TTI1: variants seen among roughly 807,000 people sequenced by gnomAD.
TTI1 encodes the protein TELO2-interacting protein 1 homolog.
Under a neutral mutation model 85.4 loss-of-function variants are expected in TTI1, and 52 were observed. The observed-to-expected ratio is 0.61, with a 90% CI of 0.49 to 0.77. The LOEUF is 0.77. Ranked by LOEUF, TTI1 falls within the 30% of genes least tolerant of loss-of-function variation. The pLI, the probability that TTI1 is intolerant of heterozygous loss-of-function variation, is 0.00. For synonymous variants in TTI1, 512 were observed against 503.9 expected (o/e 1.02, Z -0.22); for missense variants, 1,173 against 1,296.0 (o/e 0.91, Z 1.46).
At position 38,000,026 on chromosome 20, in the gene TTI1, C is replaced by A. The variant is rs116101638; in HGVS notation, c.2653-698G>T. ...AAACAAAGAGGCCCTTTAGGATCCA[C>A]ATGAGAGGAGCAAAGTGATGTGGCC... is the stretch of plus-strand genomic sequence containing the variant. On this transcript the variant is annotated intron_variant, in intron 4 of 7. Coordinates refer to ENST00000373447, the MANE Select transcript of TTI1 (RefSeq NM_001303457.2). Among the ~76,000 whole-genome samples, 471 of 152,256 alleles carry A rather than the reference C, an allele frequency of 3.1e-3. 1 individual carries two copies. The highest frequency in any genetic ancestry group is 0.011 in the African/African-American group (446 of 41,554).
At position 37,983,404 on chromosome 20, in the gene TTI1, T is replaced by G. The variant is rs978136710; in HGVS notation, c.*52A>C. 6.4e-7 allele frequency: 1 copy of G among 1,574,706 alleles called. No individual in the cohort carries two copies. Among genetic ancestry groups the G allele is most frequent in the African/African-American group, 1.4e-5 (1 of 73,648 alleles). ...TGGCCGGGGTGGGGTCAGCCCAGCT[T>G]CTGGCTGGCAGTAGGGGAGGGATCG... On this transcript the variant is annotated 3_prime_UTR_variant, in exon 8 of 8. Transcript: ENST00000373447.
Position 38,012,792 on chromosome 20 carries a change from T to C in TTI1, c.1025A>G (p.Asp342Gly). Residue 342 changes from aspartate to glycine, a missense_variant, in exon 2 of 8, where the codon GAT (aspartate) becomes GGT (glycine). Asp to Gly is a moderately conservative substitution (Grantham distance 94). Transcript: ENST00000373447. The part of the protein sequence containing the change: ...LLKALVGLVN[D>G]ESPEIQAQCN... ...CTGGGCTTGGATTTCAGGACTCTCA[T>C]CATTTACTAGTCCCACTAAGGCCTT... 1 of 1,614,204 alleles carries C rather than the reference T, an allele frequency of 6.2e-7. No homozygotes were observed. The highest frequency in any genetic ancestry group is 1.1e-5 in the South Asian group (1 of 91,088).
At position 38,012,513 on chromosome 20, in the gene TTI1, A is replaced by G; in HGVS notation, c.1304T>C (p.Val435Ala). 6.2e-7 allele frequency: 1 copy of G among 1,614,202 alleles called. No homozygotes were observed. The highest frequency in any genetic ancestry group is 8.5e-7 in the Non-Finnish European group (1 of 1,180,038). The change falls in exon 2 of 8, where the codon GTT (valine) becomes GCT (alanine). Residue 435 changes from valine to alanine, a missense_variant. Val to Ala is a moderately conservative substitution (Grantham distance 64). Transcript: ENST00000373447. ...GATGTCAGCCACGTCTAGCTCTAGAACTTGGATGAGTGCTTTGGAAAGCCG... is the reference window on the plus strand; with the variant it reads ...GATGTCAGCCACGTCTAGCTCTAGAGCTTGGATGAGTGCTTTGGAAAGCCG... ...LQRLSKALIQ[V>A]LELDVADIKI...
At chr20:37,989,453 G>A (rs997256717) in intron 7 of TTI1, among the ~76,000 whole-genome samples, 21 of 152,342 alleles carry the variant, frequency 1.4e-4, no homozygotes, top group East Asian at 5.8e-4. Context: ...AGGATATGGC[G>A]CTGAGAGGTC....
At chr20:38,010,495 G>T in intron 2 of TTI1, among the ~76,000 whole-genome samples, 1 of 110,574 alleles carries the variant, frequency 9.0e-6, no homozygotes. Flanking sequence ...TTTTGAGACA[G>T]AGTCTCACTC....
intron 7 of TTI1, among the ~76,000 whole-genome samples, chr20:37,990,071 T>C (rs548380735): frequency 2.0e-5 from 3 of 152,222 alleles, no homozygotes; most frequent in African/African-American, 7.2e-5. Flanking sequence ...CTTTGCTGTC[T>C]GTCAGGAAGC....
intron 7 of TTI1, among the ~76,000 whole-genome samples, chr20:37,984,942 G>A (rs2073171111): frequency 6.6e-6 from 1 of 152,164 alleles, no homozygotes; most frequent in Non-Finnish European, 1.5e-5. Flanking sequence ...TAATGAGGAC[G>A]TGGTGAGTTA....
At chr20:37,992,354 T>C (rs996590434) in intron 7 of TTI1, among the ~76,000 whole-genome samples, 1 of 152,122 alleles carries the variant, frequency 6.6e-6, no homozygotes, top group African/African-American at 2.4e-5. Flanking sequence ...CGGCTCACTA[T>C]GGCCTTAACC....
rs1291647390 is a variant in TTI1, at chr20:37,996,736, G to A, written c.2998+13C>T. The A allele has an allele frequency of 2.5e-6, 4 of 1,597,900 alleles. 1 individual carries two copies. The African/African-American group carries it at 5.4e-5, about 21-fold the overall frequency. The stretch of plus-strand genomic sequence containing the variant: ...TAAGTGTGTGTGTTCAGGTGGAACT[G>A]CCTGGTACCCACCTAGGTCCAGTCT... On this transcript the variant is annotated intron_variant, in intron 6 of 7. Transcript: ENST00000373447.
At chr20:38,020,357 T>C (rs1351805944) in intron 1 of TTI1, among the ~76,000 whole-genome samples, 4 of 137,568 alleles carry the variant, frequency 2.9e-5, no homozygotes, top group Admixed American at 7.3e-5. Flanking sequence ...TATATATGTA[T>C]GTATCTTGAT....
In TTI1 at chr20:38,011,979, G is replaced by A; in HGVS notation, c.1838C>T (p.Pro613Leu). The A allele has an allele frequency of 1.2e-6, 2 of 1,614,240 alleles. No individual in the cohort carries two copies. The highest frequency in any genetic ancestry group is 1.3e-5 in the African/African-American group (1 of 75,054). Residue 613 changes from proline to leucine, a missense_variant, in exon 2 of 8, where the codon CCA becomes CTA. Transcript: ENST00000373447. ...GTTCATGGAGCAAATAGTGGGACTT[G>A]GCTTTGAGAAGGCTAGAAAAGATGT... ...QVTSFLAFSKPSPTICSMNSN... is the reference protein window; with the variant it reads ...QVTSFLAFSKLSPTICSMNSN...
intron 7 of TTI1, among the ~76,000 whole-genome samples, chr20:37,989,400 A>G (rs2073232584): frequency 6.6e-6 from 1 of 152,260 alleles, no homozygotes; most frequent in Admixed American, 6.5e-5. Context: ...ATAAAGTATC[A>G]TAAATGCAGA....
At chr20:38,020,312 A>T (rs1463571670) in intron 1 of TTI1, among the ~76,000 whole-genome samples, 3 of 52,518 alleles carry the variant, frequency 5.7e-5, no homozygotes, top group African/African-American at 2.7e-4. Context: ...ACTCATATGA[A>T]AAAAAAAAAA....
Position 38,011,559 on chromosome 20 carries a change from G to A in TTI1, c.2258C>T (p.Ala753Val). ...ATGCAGAACGCTGACAAAGGAAGCAGCTCTCTTATCGTAAAATTGGTCCAG... is the reference window on the plus strand; with the variant it reads ...ATGCAGAACGCTGACAAAGGAAGCAACTCTCTTATCGTAAAATTGGTCCAG... The part of the protein sequence containing the change: ...ATLDQFYDKR[A>V]ASFVSVLHAL... Residue 753 changes from alanine to valine, a missense_variant, in exon 2 of 8, where the codon GCT (alanine) becomes GTT (valine). Coordinates refer to ENST00000373447, the MANE Select transcript of TTI1 (RefSeq NM_001303457.2). 6.2e-7 allele frequency: 1 copy of A among 1,614,186 alleles called. No individual in the cohort carries two copies. Among genetic ancestry groups the A allele is most frequent in the Non-Finnish European group, 8.5e-7 (1 of 1,180,034 alleles).
At chr20:37,999,710 T>C (rs1365866005) in intron 4 of TTI1, among the ~76,000 whole-genome samples, 3 of 151,946 alleles carry the variant, frequency 2.0e-5, no homozygotes, top group African/African-American at 4.8e-5. Context: ...AAAGGATGAG[T>C]AGGAGTTAGT....
intron 1 of TTI1, among the ~76,000 whole-genome samples, chr20:38,017,381 A>G (rs2073697234): frequency 1.3e-5 from 2 of 151,800 alleles, no homozygotes; most frequent in African/African-American, 4.9e-5. Context: ...GAGAATGTTC[A>G]GAGGGAATCA....
chr20:37,985,011 G>A (rs760396475), intron 7 of TTI1, among the ~76,000 whole-genome samples: 5 of 152,158 alleles, frequency 3.3e-5, no homozygotes, highest in East Asian at 1.9e-4. Context: ...TAAGTTCTAC[G>A]AAAGGATCTG....
At chr20:38,008,128 A>C (rs2073528853) in intron 2 of TTI1, among the ~76,000 whole-genome samples, 1 of 152,208 alleles carries the variant, frequency 6.6e-6, no homozygotes, top group Non-Finnish European at 1.5e-5. Context: ...AAGCTTGGTA[A>C]TACACAGTGT....
In TTI1 at chr20:38,003,194, C is replaced by T. The variant is rs530886280; in HGVS notation, c.2504-418G>A. Among the ~76,000 whole-genome samples, 13 of 152,272 alleles carry T rather than the reference C, an allele frequency of 8.5e-5. No individual in the cohort carries two copies. The South Asian group carries it at 2.7e-3, about 32-fold the overall frequency. On this transcript the variant is annotated intron_variant, in intron 3 of 7. Coordinates refer to ENST00000373447, the MANE Select transcript of TTI1 (RefSeq NM_001303457.2). ...CCCAGGCTGGTCTCCAATTCCTGGGCTCAAGCAATCCCCCTGCCGTGGCCT... is the reference window on the plus strand; with the variant it reads ...CCCAGGCTGGTCTCCAATTCCTGGGTTCAAGCAATCCCCCTGCCGTGGCCT...
Sources: gnomAD v4.1 joint callset for allele counts (sites outside exome capture counted in the v4.1 genomes callset) on GRCh38, gnomAD v4.1.1 for gene constraint, MANE v1.5 for transcripts, NCBI Gene and HGNC (gene_info 2026-07-23, HGNC 2026-07-21) for gene names.